Variants in PRLR observed in about 807,000 individuals in gnomAD.
PRLR encodes prolactin receptor.
In PRLR, 13 loss-of-function variants were observed where a neutral mutation model predicts 40.2. The ratio of observed to expected loss-of-function variants is 0.32; its 90% CI spans 0.21 to 0.51. The LOEUF is 0.51. PRLR is among the 20% of genes least tolerant of loss of function. The pLI, the probability that PRLR is intolerant of heterozygous loss-of-function variation, is 0.97. For synonymous variants in PRLR, 269 were observed against 278.7 expected (o/e 0.97, Z 0.35); for missense variants, 656 against 747.3 (o/e 0.88, Z 1.42).
At chr5:35,149,508 C>A (rs1199648290) in intron 1 of PRLR, among the ~76,000 whole-genome samples, 3 of 152,102 alleles carry the variant, frequency 2.0e-5, no homozygotes, top group African/African-American at 7.2e-5. Flanking sequence ...AATAGAGTAG[C>A]AGACAACTAA....
At chr5:35,083,889 A>C (rs796706406) in intron 5 of PRLR, among the ~76,000 whole-genome samples, 11 of 151,718 alleles carry the variant, frequency 7.3e-5, no homozygotes, top group African/African-American at 2.7e-4. Flanking sequence ...ATCTTATGTT[A>C]TAAAAGTAAC....
chr5:35,049,088 T>G, exon 9 of PRLR: 1 of 682,592 alleles, frequency 1.5e-6, no homozygotes, highest in Non-Finnish European at 2.7e-6. Context: ...TTTGTGTGGG[T>G]TTCCAGCTCC....
At chr5:35,137,340 T>A (rs980857010) in intron 1 of PRLR, among the ~76,000 whole-genome samples, 8 of 146,950 alleles carry the variant, frequency 5.4e-5, no homozygotes, top group African/African-American at 2.2e-4. Context: ...GCAGCATAAC[T>A]TTCATTACCT....
intron 1 of PRLR, among the ~76,000 whole-genome samples, chr5:35,133,883 C>A (rs1323368910): frequency 1.3e-5 from 2 of 152,130 alleles, no homozygotes; most frequent in African/African-American, 4.8e-5. Context: ...GCCCTACTGA[C>A]CTACTATAGC....
chr5:35,121,135 T>C (rs1213756283), intron 1 of PRLR, among the ~76,000 whole-genome samples: 1 of 152,206 alleles, frequency 6.6e-6, no homozygotes, highest in Non-Finnish European at 1.5e-5. Context: ...AATTTTAAGA[T>C]CATTCTAGTG....
chr5:35,118,644 C>A (rs373868320), intron 1 of PRLR, among the ~76,000 whole-genome samples: 5 of 152,030 alleles, frequency 3.3e-5, no homozygotes, highest in African/African-American at 1.2e-4. Context: ...AAAATTTGGT[C>A]CTGGAGACTT....
At chr5:35,208,633 C>T (rs576508991) in intron 1 of PRLR, among the ~76,000 whole-genome samples, 93 of 151,950 alleles carry the variant, frequency 6.1e-4, no homozygotes, top group African/African-American at 2.1e-3. Context: ...ATTTATTTGT[C>T]AAAAATACTT....
At position 35,112,920 on chromosome 5, in the gene PRLR, T is replaced by C. The variant is rs1022204107; in HGVS notation, c.-44+5141A>G. 4.6e-5 allele frequency among the ~76,000 whole-genome samples: 7 copies of C among 152,200 alleles called. No homozygotes were observed. In the East Asian group the frequency reaches 1.3e-3, roughly 29 times the overall value. ...ACCAGAGTATTAATAGTCAGGGCCC[T>C]TAGCGAGGCTGGTCTGGGAGTGGGG... On this transcript the variant is annotated intron_variant, in intron 2 of 9. Transcript: ENST00000618457.
chr5:35,053,381 G>A (rs1021438505), downstream of PRLR, among the ~76,000 whole-genome samples: 1 of 152,208 alleles, frequency 6.6e-6, no homozygotes, highest in Admixed American at 6.5e-5. Context: ...GACTGGGCAT[G>A]GTGGCTCACG....
chr5:35,201,959 C>A (rs780880593), intron 1 of PRLR, among the ~76,000 whole-genome samples: 19 of 152,138 alleles, frequency 1.2e-4, no homozygotes, highest in Non-Finnish European at 2.1e-4. Context: ...CCAATACCAA[C>A]GTAAGTAGAA....
intron 6 of PRLR, among the ~76,000 whole-genome samples, chr5:35,070,513 A>G (rs1472791029): frequency 6.6e-6 from 1 of 152,100 alleles, no homozygotes; most frequent in Non-Finnish European, 1.5e-5. Flanking sequence ...CCTCCTTCCC[A>G]CTTTATGAAA....
intron 1 of PRLR, among the ~76,000 whole-genome samples, chr5:35,167,192 C>CATA (rs1561344176): frequency 1.7e-4 from 25 of 144,538 alleles, no homozygotes; most frequent in African/African-American, 6.1e-4. Context: ...TATCTATCAT[C>CATA]TAACTCTTTA....
intron 1 of PRLR, among the ~76,000 whole-genome samples, chr5:35,205,763 C>G (rs1443957718): frequency 6.6e-6 from 1 of 152,144 alleles, no homozygotes; most frequent in Non-Finnish European, 1.5e-5. Context: ...AAGATCCTAT[C>G]TCAGTGCAGA....
chr5:35,066,136 T>C, intron 9 of PRLR, 34 bp from the exon 10 acceptor site: 1 of 1,579,418 alleles, frequency 6.3e-7, no homozygotes, highest in Non-Finnish European at 8.6e-7. Context: ...GAGATGGCTG[T>C]TAGCTTCATA....
chr5:35,090,210 C>T (rs1771112780), intron 2 of PRLR, among the ~76,000 whole-genome samples: 1 of 152,158 alleles, frequency 6.6e-6, no homozygotes, highest in African/African-American at 2.4e-5. Flanking sequence ...GCAAAGCGAA[C>T]CACACAATGC....
At chr5:35,080,164 G>T (rs1166112807) in intron 5 of PRLR, among the ~76,000 whole-genome samples, 3 of 152,072 alleles carry the variant, frequency 2.0e-5, no homozygotes, top group Non-Finnish European at 2.9e-5. Context: ...AAAAGCAATG[G>T]CAACAAAAGC....
At chr5:35,068,423 G>T (rs1769517267) in intron 8 of PRLR, 138 bp from the exon 9 acceptor site, 1 of 729,634 alleles carries the variant, frequency 1.4e-6, no homozygotes, top group Non-Finnish European at 2.3e-6. Flanking sequence ...AATCAATGAT[G>T]AAAATAAAAT....
At chr5:35,049,276 G>A in exon 9 of PRLR, 1 of 703,318 alleles carries the variant, frequency 1.4e-6, no homozygotes. Flanking sequence ...TCTGGTATAT[G>A]CTCTTCAGCT....
intron 1 of PRLR, among the ~76,000 whole-genome samples, chr5:35,157,392 G>A (rs1774541195): frequency 1.3e-5 from 2 of 152,200 alleles, no homozygotes; most frequent in Admixed American, 1.3e-4. Flanking sequence ...CTGAGGTATA[G>A]ATGCTACTGT....
Sources: allele counts gnomAD v4.1 joint callset (sites outside exome capture counted in the v4.1 genomes callset), GRCh38; gene constraint gnomAD v4.1.1; transcripts MANE v1.5; gene names NCBI Gene and HGNC (gene_info 2026-07-23, HGNC 2026-07-21).